Variants in FSHR observed in about 807,000 individuals in gnomAD.
The protein encoded by FSHR is follicle stimulating hormone receptor.
Under a neutral mutation model 52.1 loss-of-function variants are expected in FSHR, and 46 were observed. The observed-to-expected ratio is 0.88, with a 90% CI of 0.70 to 1.13. The LOEUF is 1.13. Among genes scored for constraint, FSHR ranks in the 50% most tolerant of loss-of-function variants. The pLI is 0.00. For synonymous variants in FSHR, 399 were observed against 309.6 expected, an observed-to-expected ratio of 1.29 and a Z score of -3.03; for missense variants, 964 against 834.6, an observed-to-expected ratio of 1.16 and a Z score of -1.91.
At chr2:48,968,433 T>C (rs1181112376) in intron 9 of FSHR, among the ~76,000 whole-genome samples, 4 of 152,240 alleles carry the variant, frequency 2.6e-5, no homozygotes, top group Admixed American at 6.5e-5. Flanking sequence ...CTATGCTTAG[T>C]ATTTTTCATG....
chr2:49,071,639 A>T (rs899321902), intron 1 of FSHR, among the ~76,000 whole-genome samples: 11 of 152,304 alleles, frequency 7.2e-5, no homozygotes, highest in Non-Finnish European at 1.3e-4. Context: ...CTATAAAGGA[A>T]TACTTGAAAC....
At chr2:49,033,039 C>G (rs1443611327) in intron 2 of FSHR, among the ~76,000 whole-genome samples, 1 of 152,146 alleles carries the variant, frequency 6.6e-6, no homozygotes, top group African/African-American at 2.4e-5. Flanking sequence ...ATTATGTTTT[C>G]CTCTGTCACC....
At chr2:49,105,904 T>A (rs764925803) in intron 1 of FSHR, among the ~76,000 whole-genome samples, 1 of 152,160 alleles carries the variant, frequency 6.6e-6, no homozygotes, top group Non-Finnish European at 1.5e-5. Flanking sequence ...GTGAGGGTTC[T>A]CCTCATCCCT....
chr2:49,010,612 C>T (rs1193182308), intron 4 of FSHR, among the ~76,000 whole-genome samples: 1 of 150,632 alleles, frequency 6.6e-6, no homozygotes, highest in African/African-American at 2.4e-5. Flanking sequence ...GGTACCAGTT[C>T]CTCCTTGTAC....
chr2:48,963,142 T>A lies in FSHR; in HGVS notation c.1679A>T (p.Asn560Ile), dbSNP rs748888573. 1 of 1,614,048 alleles carries A rather than the reference T, an allele frequency of 6.2e-7. No homozygotes were observed. The highest frequency in any genetic ancestry group is 1.7e-5 in the Admixed American group (1 of 60,004). The change falls in exon 10 of 10, where the codon AAC becomes ATC. Residue 560 changes from asparagine to isoleucine, a missense_variant. By Grantham distance (149) the Asn-to-Ile change is moderately radical (BLOSUM62 -3). Coordinates refer to ENST00000406846, the MANE Select transcript of FSHR (RefSeq NM_000145.4). ...GGTGTCACTAGAGGAGGACACGATG[T>A]TGGGGTTCCGCACTGTGAGGTAGAT... ...IHIYLTVRNPNIVSSSSDTRI... is the reference protein window; with the variant it reads ...IHIYLTVRNPIIVSSSSDTRI...
intron 4 of FSHR, among the ~76,000 whole-genome samples, chr2:48,992,343 C>G (rs1234585730): frequency 6.6e-6 from 1 of 152,150 alleles, no homozygotes. Context: ...ATCTCTTCAC[C>G]TACTTCATAT....
At chr2:49,122,689 G>A (rs956549665) in intron 1 of FSHR, among the ~76,000 whole-genome samples, 1 of 152,054 alleles carries the variant, frequency 6.6e-6, no homozygotes, top group Non-Finnish European at 1.5e-5. Context: ...CTACTCCAGG[G>A]TGTGCAATAG....
chr2:49,068,782 C>T (rs981749802), intron 1 of FSHR, among the ~76,000 whole-genome samples: 2 of 152,090 alleles, frequency 1.3e-5, no homozygotes, highest in Non-Finnish European at 2.9e-5. Flanking sequence ...GTGCTTTATA[C>T]ACATTGCCTT....
intron 1 of FSHR, among the ~76,000 whole-genome samples, chr2:49,123,662 A>T (rs185011346): frequency 1.3e-5 from 2 of 152,234 alleles, no homozygotes; most frequent in Admixed American, 6.5e-5. Flanking sequence ...ATAAAATACA[A>T]CTTTAAAATA....
intron 9 of FSHR, among the ~76,000 whole-genome samples, chr2:48,964,750 G>A (rs1352523167): frequency 6.6e-6 from 1 of 152,166 alleles, no homozygotes; most frequent in Non-Finnish European, 1.5e-5. Context: ...TCACTTTACT[G>A]TCTTGGTTTT....
intron 2 of FSHR, among the ~76,000 whole-genome samples, chr2:49,026,887 T>A (rs1667929041): frequency 6.6e-6 from 1 of 152,134 alleles, no homozygotes; most frequent in African/African-American, 2.4e-5. Flanking sequence ...AGTTAGGACC[T>A]CTCTGCTGAT....
At chr2:49,011,372 G>C (rs1192892834) in intron 4 of FSHR, among the ~76,000 whole-genome samples, 1 of 152,102 alleles carries the variant, frequency 6.6e-6, no homozygotes, top group East Asian at 1.9e-4. Context: ...GTTCTAGTTT[G>C]ATTGCAATGT....
intron 2 of FSHR, among the ~76,000 whole-genome samples, chr2:49,021,863 C>CTCTATATATATATA (rs1467766420): frequency 2.0e-5 from 1 of 49,868 alleles, no homozygotes; most frequent in East Asian, 8.4e-4. Flanking sequence ...CTCTCTCTCT[C>CTCTATATATATATA]TATATATATA....
At chr2:49,151,036 ATGT>A (rs1673041807) in intron 1 of FSHR, among the ~76,000 whole-genome samples, 1 of 151,888 alleles carries the variant, frequency 6.6e-6, no homozygotes, top group South Asian at 2.1e-4. Flanking sequence ...ATTAATTTAC[ATGT>A]TGTTTATGGC....
intron 1 of FSHR, among the ~76,000 whole-genome samples, chr2:49,141,107 C>T (rs1419537765): frequency 5.3e-5 from 8 of 152,182 alleles, no homozygotes; most frequent in Admixed American, 3.9e-4. Flanking sequence ...TGACATTAGC[C>T]AGCTTCTGAT....
At chr2:49,030,500 A>T (rs1668064663) in intron 2 of FSHR, among the ~76,000 whole-genome samples, 1 of 151,934 alleles carries the variant, frequency 6.6e-6, no homozygotes, top group South Asian at 2.1e-4. Flanking sequence ...TCTATTTTTT[A>T]TGCCCCTCCA....
intron 2 of FSHR, among the ~76,000 whole-genome samples, chr2:49,038,646 ATAAT>A (rs1558404992): frequency 1.4e-5 from 2 of 143,230 alleles, no homozygotes; most frequent in Non-Finnish European, 3.0e-5. Flanking sequence ...AATAATAATA[ATAAT>A]AATAATAATA....
chr2:49,089,146 T>G (rs943780402), intron 1 of FSHR, among the ~76,000 whole-genome samples: 3 of 148,542 alleles, frequency 2.0e-5, no homozygotes, highest in Admixed American at 6.6e-5. Context: ...ATGATTTATT[T>G]AATTATTTAA....
rs142681347 is a variant in FSHR at position 49,142,088 on chromosome 2, G to C, written c.152+12178C>G. Among the ~76,000 whole-genome samples the C allele has an allele frequency of 5.9e-5, 9 of 152,302 alleles. No individual in the cohort carries two copies. In the East Asian group the frequency reaches 1.4e-3, roughly 23 times the overall value. ...CTTTCCTTCTAGTTATTATTTGCTTGAGAAGCCCTTTCATTTATTCTTTCA... is the reference window on the plus strand; with the variant it reads ...CTTTCCTTCTAGTTATTATTTGCTTCAGAAGCCCTTTCATTTATTCTTTCA... On this transcript the variant is annotated intron_variant, in intron 1 of 9. Coordinates refer to ENST00000406846, the MANE Select transcript of FSHR (RefSeq NM_000145.4).
Sources: allele counts gnomAD v4.1 joint callset (sites outside exome capture counted in the v4.1 genomes callset), GRCh38; gene constraint gnomAD v4.1.1; transcripts MANE v1.5; gene names NCBI Gene and HGNC (gene_info 2026-07-23, HGNC 2026-07-21).